SNX29: variants seen among roughly 807,000 people sequenced by gnomAD.
The protein encoded by SNX29 is sorting nexin 29.
A neutral mutation model predicts 102.1 loss-of-function variants in SNX29; 78 were observed. That is an observed-to-expected ratio of 0.76 (90% confidence interval 0.64 to 0.92). SNX29 has a LOEUF of 0.92. Among genes scored for constraint, SNX29 ranks in the 40% least tolerant of loss-of-function variants. The probability of loss-of-function intolerance (pLI) is 0.00; values close to 1 mark genes in which losing one functional copy is unlikely to be tolerated. For missense variants in SNX29, 1,280 were observed against 1,061.7 expected (o/e 1.21, Z -2.86); for synonymous variants, 580 against 414.5 (o/e 1.40, Z -4.85).
intron 3 of SNX29, among the ~76,000 whole-genome samples, chr16:12,005,378 AGT>A (rs143437862): frequency 6.6e-6 from 1 of 151,826 alleles, no homozygotes; most frequent in Non-Finnish European, 1.5e-5. Flanking sequence ...TATGTGCATG[AGT>A]GTGTGTGTGT....
intron 14 of SNX29, among the ~76,000 whole-genome samples, chr16:12,277,103 G>A (rs2079275620): frequency 6.6e-6 from 1 of 152,152 alleles, no homozygotes; most frequent in Non-Finnish European, 1.5e-5. Context: ...AAAGATGTAA[G>A]TGGACTGAAT....
At chr16:11,979,256 C>A (rs1044273542) in intron 1 of SNX29, among the ~76,000 whole-genome samples, 2 of 101,094 alleles carry the variant, frequency 2.0e-5, no homozygotes, top group Non-Finnish European at 1.7e-5. Flanking sequence ...GCCTGGGCAA[C>A]AGAGTGAGAC....
At chr16:12,410,959 C>T (rs1158465213) in intron 18 of SNX29, among the ~76,000 whole-genome samples, 1 of 152,172 alleles carries the variant, frequency 6.6e-6, no homozygotes, top group East Asian at 1.9e-4. Flanking sequence ...CTCAAGTTCT[C>T]TTTTACCCAC....
Position 12,048,236 on chromosome 16 carries a change from A to G in SNX29, c.500-136A>G, listed in dbSNP as rs1596690173. The G allele has an allele frequency of 3.1e-6, 4 of 1,271,538 alleles. No homozygotes were observed. In the South Asian group the frequency reaches 4.8e-5, roughly 15 times the overall value. The allele number at this position is 1,271,538 out of a possible 1,614,324, so 78.8% of individuals were successfully genotyped here. On this transcript the variant is annotated intron_variant, in intron 6 of 20. Transcript: ENST00000566228. The stretch of plus-strand genomic sequence containing the variant: ...GATTTTCGCTCCCTGCAACGTCCGC[A>G]TGGGAGGTATTTTTATACCTATTTA...
chr16:12,406,546 G>C (rs1319067094), intron 18 of SNX29, among the ~76,000 whole-genome samples: 1 of 152,238 alleles, frequency 6.6e-6, no homozygotes, highest in Non-Finnish European at 1.5e-5. Context: ...GTGCTCCCTG[G>C]TACTGGAGCT....
chr16:12,144,533 G>T (rs983799390), intron 13 of SNX29, among the ~76,000 whole-genome samples: 2 of 152,188 alleles, frequency 1.3e-5, no homozygotes, highest in Admixed American at 6.5e-5. Flanking sequence ...GGGCTAGCTG[G>T]GCTCCTTTTT....
At chr16:12,056,029 GTGCCAC>G (rs1214711732) in intron 8 of SNX29, among the ~76,000 whole-genome samples, 13 of 152,036 alleles carry the variant, frequency 8.6e-5, no homozygotes, top group African/African-American at 3.1e-4. Context: ...CTACAGGAGT[GTGCCAC>G]TATACCCGGC....
At chr16:12,010,472 A>G (rs529198564) in intron 3 of SNX29, among the ~76,000 whole-genome samples, 5 of 152,202 alleles carry the variant, frequency 3.3e-5, no homozygotes, top group African/African-American at 1.2e-4. Context: ...AAAACCAAAA[A>G]TTAGCTAGCC....
intron 10 of SNX29, among the ~76,000 whole-genome samples, chr16:12,072,386 G>C (rs998447991): frequency 6.6e-6 from 1 of 152,120 alleles, no homozygotes; most frequent in African/African-American, 2.4e-5. Flanking sequence ...AAGCGTTGTT[G>C]AATTTTGTCA....
Position 12,571,737 on chromosome 16 carries a change from C to T in SNX29, c.*3108C>T, listed in dbSNP as rs1176863929. On this transcript the variant is annotated 3_prime_UTR_variant, in exon 21 of 21. Coordinates refer to ENST00000566228, the MANE Select transcript of SNX29 (RefSeq NM_032167.5). ...GAGGGAGCTTAAAGGCTGCTAGAAA[C>T]CTAGCCCAACCATCCACTCCTGATC... 1.8e-5 allele frequency: 19 copies of T among 1,030,532 alleles called. No individual in the cohort carries two copies. The highest frequency in any genetic ancestry group is 5.0e-5 in the African/African-American group (3 of 60,182). The allele number at this position is 1,030,532 out of a possible 1,614,324, so 63.8% of individuals were successfully genotyped here.
chr16:12,123,053 C>G (rs1182934251), intron 11 of SNX29, among the ~76,000 whole-genome samples: 1 of 152,180 alleles, frequency 6.6e-6, no homozygotes, highest in African/African-American at 2.4e-5. Context: ...TCTTGAACTC[C>G]TGACCTCAAG....
chr16:12,046,330 T>A, intron 5 of SNX29, 54 bp from the exon 6 acceptor site: 1 of 1,585,846 alleles, frequency 6.3e-7, no homozygotes, highest in East Asian at 2.2e-5. Context: ...TCCTGGTTAA[T>A]GGACACAGAG....
intron 11 of SNX29, among the ~76,000 whole-genome samples, chr16:12,097,555 G>A (rs1019352938): frequency 6.0e-5 from 9 of 150,698 alleles, no homozygotes; most frequent in African/African-American, 2.2e-4. Flanking sequence ...TTTTTTTTTG[G>A]TCTTTTTTAG....
At chr16:12,165,689 T>A (rs1247864729) in intron 13 of SNX29, among the ~76,000 whole-genome samples, 1 of 152,174 alleles carries the variant, frequency 6.6e-6, no homozygotes, top group Admixed American at 6.5e-5. Context: ...GCCTCCCGAG[T>A]AGCTGGGATT....
intron 16 of SNX29, among the ~76,000 whole-genome samples, chr16:12,384,534 C>T (rs2083282950): frequency 6.6e-6 from 1 of 152,192 alleles, no homozygotes; most frequent in African/African-American, 2.4e-5. Context: ...AATGTCGTTT[C>T]AGATCTTTTG....
rs141866833 is a variant in SNX29 at position 12,234,335 on chromosome 16, A to C, written c.1678+34652A>C. On this transcript the variant is annotated intron_variant, in intron 14 of 20. Coordinates refer to ENST00000566228, the MANE Select transcript of SNX29 (RefSeq NM_032167.5). ...GTGTTGAGTATCTTTTCATTCTACA[A>C]ATGGCTTACTGGCCATTTGTAGATC... is the stretch of plus-strand genomic sequence containing the variant. Among the ~76,000 whole-genome samples, 295 of 152,162 alleles carry C rather than the reference A, an allele frequency of 1.9e-3. 1 individual carries two copies. Among genetic ancestry groups the C allele is most frequent in the Non-Finnish European group, 1.8e-3 (123 of 67,988 alleles).
At chr16:12,499,728 C>A (rs187794997) in intron 19 of SNX29, among the ~76,000 whole-genome samples, 1 of 152,198 alleles carries the variant, frequency 6.6e-6, no homozygotes. Context: ...GGCTGGAGTT[C>A]GGTGGCACAA....
intron 18 of SNX29, among the ~76,000 whole-genome samples, chr16:12,447,212 A>G (rs1218380528): frequency 1.3e-5 from 2 of 149,200 alleles, no homozygotes; most frequent in South Asian, 2.1e-4. Flanking sequence ...AATAAATGCT[A>G]CAGACCAGCA....
intron 20 of SNX29, among the ~76,000 whole-genome samples, chr16:12,536,345 G>A (rs1006777890): frequency 5.3e-5 from 8 of 152,064 alleles, no homozygotes; most frequent in East Asian, 1.9e-4. Flanking sequence ...GAAACAAGCC[G>A]TACTGTCAGG....
Sources: gnomAD v4.1 joint callset for allele counts (sites outside exome capture counted in the v4.1 genomes callset) on GRCh38, gnomAD v4.1.1 for gene constraint, MANE v1.5 for transcripts, NCBI Gene and HGNC (gene_info 2026-07-23, HGNC 2026-07-21) for gene names.